The following RBFOX1 variants were observed in gnomAD, a reference collection of about 807,000 sequenced individuals.
The protein encoded by RBFOX1 is RNA binding protein fox-1 homolog 1.
Under a neutral mutation model 57.7 loss-of-function variants are expected in RBFOX1, and 8 were observed. The observed-to-expected ratio is 0.14, with a 90% CI of 0.08 to 0.25. RBFOX1 has a LOEUF of 0.25. RBFOX1 is among the 10% of genes least tolerant of loss of function. RBFOX1 has a pLI of 1.00. For synonymous variants in RBFOX1, 326 were observed against 222.4 expected, an observed-to-expected ratio of 1.47 and a Z score of -4.15; for missense variants, 611 against 548.5, an observed-to-expected ratio of 1.11 and a Z score of -1.14.
Position 7,711,971 on chromosome 16 carries a change from C to T in RBFOX1, c.*1226C>T, listed in dbSNP as rs2084061791. On this transcript the variant is annotated 3_prime_UTR_variant, in exon 16 of 16. Coordinates refer to ENST00000550418, the MANE Select transcript of RBFOX1 (RefSeq NM_018723.4). ...TTTCCCATACCCCCAAGGATTATCT[C>T]AAAATGATCTCTTTAGTTCTGTCTC... The T allele has an allele frequency of 6.6e-6, 1 of 152,478 alleles. No individual in the cohort carries two copies. The highest frequency in any genetic ancestry group is 1.5e-5 in the Non-Finnish European group (1 of 68,018). 9.4% of individuals were successfully genotyped at this position (152,478 alleles called of 1,614,324 possible).
chr16:5,502,698 AG>A (rs1334353674), intron 2 of RBFOX1, among the ~76,000 whole-genome samples: 1 of 152,178 alleles, frequency 6.6e-6, no homozygotes, highest in African/African-American at 2.4e-5. Flanking sequence ...CCATATTAAC[AG>A]AATCCTCTAT....
At chr16:5,604,612 T>A (rs904629282), downstream of RBFOX1, among the ~76,000 whole-genome samples, 2 of 152,170 alleles carry the variant, frequency 1.3e-5, no homozygotes, top group African/African-American at 4.8e-5. Context: ...TCATCTTTTC[T>A]ATTGGTTAGA....
At chr16:6,385,470 C>G (rs541356256) in intron 2 of RBFOX1, among the ~76,000 whole-genome samples, 1 of 152,232 alleles carries the variant, frequency 6.6e-6, no homozygotes, top group Non-Finnish European at 1.5e-5. Flanking sequence ...AGTGATTCTC[C>G]TGCCTCTGCC....
chr16:5,851,002 C>T (rs1450982633), intron 3 of RBFOX1, among the ~76,000 whole-genome samples: 2 of 152,194 alleles, frequency 1.3e-5, no homozygotes, highest in East Asian at 3.9e-4. Flanking sequence ...GAGCTGTGGC[C>T]ACCTGGAAAC....
intron 3 of RBFOX1, among the ~76,000 whole-genome samples, chr16:6,922,588 T>G (rs529207408): frequency 5.9e-5 from 9 of 152,226 alleles, no homozygotes; most frequent in Non-Finnish European, 1.3e-4. Context: ...GTGTGTGGAA[T>G]AAATGAACAT....
chr16:7,580,907 CAG>C (rs1158503003), intron 6 of RBFOX1, among the ~76,000 whole-genome samples: 2 of 152,170 alleles, frequency 1.3e-5, no homozygotes, highest in Admixed American at 6.5e-5. Context: ...GTGGGCTTCT[CAG>C]AGACTCTTCC....
chr16:6,846,233 G>A (rs1311365161), intron 3 of RBFOX1, among the ~76,000 whole-genome samples: 1 of 152,170 alleles, frequency 6.6e-6, no homozygotes, highest in African/African-American at 2.4e-5. Context: ...TTTTCAGTCT[G>A]TGTGATAGCT....
At chr16:6,805,379 G>T (rs191121240) in intron 3 of RBFOX1, among the ~76,000 whole-genome samples, 1 of 152,076 alleles carries the variant, frequency 6.6e-6, no homozygotes, top group African/African-American at 2.4e-5. Flanking sequence ...CAGACTTTGG[G>T]GTCTCCTGGA....
chr16:6,203,318 A>G (rs2097228860), intron 1 of RBFOX1, among the ~76,000 whole-genome samples: 1 of 152,088 alleles, frequency 6.6e-6, no homozygotes, highest in African/African-American at 2.4e-5. Context: ...ATGATTTCAG[A>G]TTCCTCCTAA....
At chr16:7,652,404 G>A (rs923481260) in intron 11 of RBFOX1, among the ~76,000 whole-genome samples, 4 of 151,970 alleles carry the variant, frequency 2.6e-5, no homozygotes, top group Admixed American at 1.3e-4. Flanking sequence ...AGATATCCCC[G>A]CCCACATTCT....
chr16:6,911,162 A>G (rs749657154), intron 3 of RBFOX1, among the ~76,000 whole-genome samples: 1 of 150,258 alleles, frequency 6.7e-6, no homozygotes, highest in African/African-American at 2.5e-5. Context: ...TAATCGCACC[A>G]TTGCACTCCA....
intron 1 of RBFOX1, among the ~76,000 whole-genome samples, chr16:5,461,258 G>T (rs182474093): frequency 6.6e-5 from 10 of 152,222 alleles, no homozygotes; most frequent in African/African-American, 2.2e-4. Flanking sequence ...CTTGTGCAGA[G>T]TTCACTGGTT....
intron 2 of RBFOX1, among the ~76,000 whole-genome samples, chr16:5,520,166 T>C (rs1248791893): frequency 2.0e-5 from 3 of 152,086 alleles, no homozygotes; most frequent in Non-Finnish European, 4.4e-5. Context: ...AAGAGGCTAT[T>C]GTGGCTGGAG....
chr16:5,993,594 G>C (rs1280094962), intron 4 of RBFOX1, among the ~76,000 whole-genome samples: 1 of 152,098 alleles, frequency 6.6e-6, no homozygotes, highest in Non-Finnish European at 1.5e-5. Context: ...TGACTTCTCT[G>C]ATGTTCTCAG....
intron 1 of RBFOX1, among the ~76,000 whole-genome samples, chr16:5,433,906 A>G (rs1597049811): frequency 6.6e-6 from 1 of 151,916 alleles, no homozygotes; most frequent in South Asian, 2.1e-4. Flanking sequence ...CAAGACAACA[A>G]CCCTGTGCTT....
chr16:6,124,254 C>A (rs2096572500), intron 1 of RBFOX1, among the ~76,000 whole-genome samples: 1 of 152,164 alleles, frequency 6.6e-6, no homozygotes, highest in African/African-American at 2.4e-5. Context: ...CTACCCAGCT[C>A]CCTCTAAAGA....
chr16:7,212,970 A>G (rs1359509447), intron 4 of RBFOX1, among the ~76,000 whole-genome samples: 10 of 152,314 alleles, frequency 6.6e-5, no homozygotes, highest in South Asian at 6.2e-4. Flanking sequence ...AATTCTATGG[A>G]ACACTTGACT....
intron 3 of RBFOX1, among the ~76,000 whole-genome samples, chr16:5,750,612 C>T (rs1313284704): frequency 1.3e-5 from 2 of 152,180 alleles, no homozygotes; most frequent in Non-Finnish European, 2.9e-5. Flanking sequence ...AGTTCGATCT[C>T]AGACGGCTGT....
chr16:6,082,851 G>C (rs1453623340), intron 1 of RBFOX1, among the ~76,000 whole-genome samples: 1 of 152,090 alleles, frequency 6.6e-6, no homozygotes, highest in Non-Finnish European at 1.5e-5. Flanking sequence ...GGACCCAATA[G>C]CCCAGATCCC....
Sources: gnomAD v4.1 joint callset for allele counts (sites outside exome capture counted in the v4.1 genomes callset) on GRCh38, gnomAD v4.1.1 for gene constraint, MANE v1.5 for transcripts, NCBI Gene and HGNC (gene_info 2026-07-23, HGNC 2026-07-21) for gene names.